Variants in CNKSR2 observed in about 807,000 individuals in gnomAD.
The protein encoded by CNKSR2 is connector enhancer of kinase suppressor of Ras 2.
CNKSR2 carries 14 observed loss-of-function variants against 84.4 expected under a neutral mutation model. That is an observed-to-expected ratio of 0.17 (90% CI 0.11 to 0.26). The LOEUF is 0.26. Ranked by LOEUF, CNKSR2 falls within the 10% of genes least tolerant of loss-of-function variation. The pLI is 1.00. For synonymous variants in CNKSR2, 275 were observed against 277.9 expected, an observed-to-expected ratio of 0.99 and a Z score of 0.10; for missense variants, 485 against 771.2, an observed-to-expected ratio of 0.63 and a Z score of 4.40.
chrX:21,635,174 TAA>T (rs2092664858), intron 20 of CNKSR2, among the ~76,000 whole-genome samples: 1 of 109,300 alleles, frequency 9.1e-6, no homozygotes, highest in South Asian at 3.9e-4. Flanking sequence ...ATTCTTATGC[TAA>T]AAATCTAAAG....
chrX:21,582,359 T>A (rs1346196258), intron 13 of CNKSR2, among the ~76,000 whole-genome samples: 1 of 112,395 alleles, frequency 8.9e-6, no homozygotes, highest in Non-Finnish European at 1.9e-5. Context: ...GGAGAATCCT[T>A]TCTCTTCACA....
At chrX:21,613,947 A>T (rs1602033446) in intron 20 of CNKSR2, among the ~76,000 whole-genome samples, 1 of 110,243 alleles carries the variant, frequency 9.1e-6, no homozygotes, top group East Asian at 2.8e-4. Context: ...TCCAAAAAAA[A>T]AAAAAAGAAA....
At chrX:21,603,361 A>G (rs962309537) in intron 18 of CNKSR2, among the ~76,000 whole-genome samples, 7 of 112,222 alleles carry the variant, frequency 6.2e-5, no homozygotes, top group African/African-American at 2.3e-4. Flanking sequence ...AGATGCACAT[A>G]TCTACTTCAC....
chrX:21,532,292 T>C (rs1235965185), intron 11 of CNKSR2: 1 of 258,155 alleles, frequency 3.9e-6, no homozygotes, highest in African/African-American at 2.8e-5. Context: ...TAGGTAACAT[T>C]GTAGCTCATA....
At chrX:21,547,648 A>T (rs987092251) in intron 11 of CNKSR2, among the ~76,000 whole-genome samples, 1 of 111,843 alleles carries the variant, frequency 8.9e-6, no homozygotes, top group Non-Finnish European at 1.9e-5. Context: ...ACCACATCAC[A>T]CTTATTCTAA....
intron 5 of CNKSR2, among the ~76,000 whole-genome samples, chrX:21,484,289 T>TCAAAA (rs113032601): frequency 0.017 from 1,913 of 110,823 alleles, 30 homozygotes; most frequent in African/African-American, 0.04. Context: ...AGACTTCGTT[T>TCAAAA]CAAAACAAAA....
intron 5 of CNKSR2, among the ~76,000 whole-genome samples, chrX:21,480,789 TGTTTTGGCA>T (rs2091310817): frequency 8.9e-6 from 1 of 112,297 alleles, no homozygotes; most frequent in Non-Finnish European, 1.9e-5. Flanking sequence ...ATTTTCTCAC[TGTTTTGGCA>T]TTGACCTTAT....
At chrX:21,554,960 G>A (rs2092125874) in intron 11 of CNKSR2, among the ~76,000 whole-genome samples, 1 of 110,020 alleles carries the variant, frequency 9.1e-6, no homozygotes, top group Non-Finnish European at 1.9e-5. Flanking sequence ...CAGTGTATAA[G>A]AGTTCCTTTT....
intron 3 of CNKSR2, among the ~76,000 whole-genome samples, chrX:21,436,251 G>C (rs1374513445): frequency 9.0e-6 from 1 of 111,401 alleles, no homozygotes; most frequent in Non-Finnish European, 1.9e-5. Flanking sequence ...CTACCCTAAG[G>C]TTTCAGCAGT....
At chrX:21,578,531 G>A (rs1343704607) in intron 13 of CNKSR2, among the ~76,000 whole-genome samples, 1 of 104,447 alleles carries the variant, frequency 9.6e-6, no homozygotes, top group East Asian at 2.9e-4. Flanking sequence ...GGTAAAAAGA[G>A]GATAAGACTA....
intron 1 of CNKSR2, chrX:21,424,909 A>G (rs1601772792): frequency 8.9e-6 from 1 of 112,013 alleles, no homozygotes; most frequent in East Asian, 2.8e-4. Context: ...CAAATAACTC[A>G]GTGAACTCTC....
At position 21,516,475 on chromosome X, in the gene CNKSR2, T is replaced by C; in HGVS notation, c.811-10T>C. On this transcript the variant is annotated splice_polypyrimidine_tract_variant and intron_variant, in intron 8 of 21. Transcript: ENST00000379510. ...CTCAATTTTATTGTAATGATTTTGC[T>C]GGTTACCAGGTGGGGTGGCAGTTGA... 1 of 1,203,845 alleles carries C rather than the reference T, an allele frequency of 8.3e-7. No homozygotes were observed. Among genetic ancestry groups the C allele is most frequent in the Non-Finnish European group, 1.1e-6 (1 of 891,533 alleles).
At chrX:21,412,141 C>G (rs1005147952) in intron 1 of CNKSR2, among the ~76,000 whole-genome samples, 4 of 111,495 alleles carry the variant, frequency 3.6e-5, no homozygotes, top group Admixed American at 1.9e-4. Context: ...ATTAGGGAAG[C>G]CTGGGACTGA....
In CNKSR2 at chrX:21,543,430, C is replaced by T. The variant is rs1024190591; in HGVS notation, c.1303+11363C>T. 4.5e-5 allele frequency among the ~76,000 whole-genome samples: 5 copies of T among 112,330 alleles called. No homozygotes were observed. In the Admixed American group the frequency reaches 4.7e-4, roughly 11 times the overall value. On this transcript the variant is annotated intron_variant, in intron 11 of 21. Coordinates refer to ENST00000379510, the MANE Select transcript of CNKSR2 (RefSeq NM_014927.5). ...TCATAAAGACTACATGTTGGTTAGC[C>T]TCACAAAATAATTTTTAGCATCAAG... is the stretch of plus-strand genomic sequence containing the variant.
chrX:21,591,730 A>G (rs181445696), intron 15 of CNKSR2: 2 of 110,614 alleles, frequency 1.8e-5, no homozygotes, highest in East Asian at 5.7e-4. Flanking sequence ...TATATAATAC[A>G]TTTAAATTAT....
intron 4 of CNKSR2, among the ~76,000 whole-genome samples, chrX:21,468,047 G>A (rs912847349): frequency 4.5e-5 from 5 of 110,471 alleles, no homozygotes; most frequent in Non-Finnish European, 9.5e-5. Context: ...TTTGTGTAAT[G>A]GTGTATCATT....
At chrX:21,638,133 A>T (rs2092680054) in intron 20 of CNKSR2, among the ~76,000 whole-genome samples, 1 of 111,921 alleles carries the variant, frequency 8.9e-6, no homozygotes, top group Non-Finnish European at 1.9e-5. Flanking sequence ...TCATTCATTA[A>T]AGAAAATATT....
intron 13 of CNKSR2, among the ~76,000 whole-genome samples, chrX:21,586,836 T>G (rs2092391556): frequency 1.8e-5 from 2 of 111,333 alleles, no homozygotes; most frequent in Admixed American, 1.9e-4. Context: ...TGGAAGACAG[T>G]AAAATGAATT....
At chrX:21,434,627 G>T (rs2090679490) in intron 3 of CNKSR2, among the ~76,000 whole-genome samples, 1 of 111,059 alleles carries the variant, frequency 9.0e-6, no homozygotes, top group Non-Finnish European at 1.9e-5. Flanking sequence ...AGTTAAATAG[G>T]ATTAATTTGA....
Sources: gnomAD v4.1 joint callset for allele counts (sites outside exome capture counted in the v4.1 genomes callset) on GRCh38, gnomAD v4.1.1 for gene constraint, MANE v1.5 for transcripts, NCBI Gene and HGNC (gene_info 2026-07-23, HGNC 2026-07-21) for gene names.